The following MVK variants were observed in gnomAD, a reference collection of about 807,000 sequenced individuals.
The protein encoded by MVK is mevalonate kinase, also known as LH receptor mRNA-binding protein.
Under a neutral mutation model 43.2 loss-of-function variants are expected in MVK, and 34 were observed. That is an observed-to-expected ratio of 0.79 (90% confidence interval 0.60 to 1.05). The LOEUF (loss-of-function observed/expected upper bound fraction) is 1.05. MVK is among the 50% of genes least tolerant of loss of function. The pLI, the probability that MVK is intolerant of heterozygous loss-of-function variation, is 0.00. For synonymous variants in MVK, 190 were observed against 219.8 expected, an observed-to-expected ratio of 0.86 and a Z score of 1.20; for missense variants, 395 against 504.0, an observed-to-expected ratio of 0.78 and a Z score of 2.07.
intron 1 of MVK, among the ~76,000 whole-genome samples, chr12:109,574,459 C>T (rs1254054449): frequency 6.6e-6 from 1 of 152,188 alleles, no homozygotes; most frequent in Non-Finnish European, 1.5e-5. Context: ...TTAGTAGGTG[C>T]CAGACACCGC....
chr12:109,592,532 G>A (rs895094286), intron 9 of MVK, among the ~76,000 whole-genome samples: 6 of 152,216 alleles, frequency 3.9e-5, no homozygotes, highest in Admixed American at 2.0e-4. Context: ...GTGGGCATTC[G>A]AGTCTGTAGC....
At chr12:109,592,297 G>C (rs1885721710) in intron 9 of MVK, among the ~76,000 whole-genome samples, 1 of 152,218 alleles carries the variant, frequency 6.6e-6, no homozygotes, top group African/African-American at 2.4e-5. Flanking sequence ...GGGAACCAAA[G>C]AGCCCAGGCT....
At position 109,574,881 on chromosome 12, in the gene MVK, A is replaced by C. The variant is rs104895295; in HGVS notation, c.59A>C (p.His20Pro). The stretch of plus-strand genomic sequence containing the variant: ...GGGAAAGTCATCCTTCATGGAGAAC[A>C]TGCCGTGGTACATGGCAAGGTACAA... ...APGKVILHGE[H>P]AVVHGKVALA... Residue 20 changes from histidine (H) to proline (P), a missense_variant, in exon 2 of 11, where the codon CAT becomes CCT. Physicochemically the swap from His to Pro is moderately conservative, Grantham distance 77. Coordinates refer to ENST00000228510, the MANE Select transcript of MVK (RefSeq NM_000431.4). 16 of 1,609,898 alleles carry C rather than the reference A, an allele frequency of 9.9e-6. No homozygotes were observed. Among genetic ancestry groups the C allele is most frequent in the Non-Finnish European group, 1.4e-5 (16 of 1,178,214 alleles).
At chr12:109,587,603 C>T (rs533671516) in intron 7 of MVK, among the ~76,000 whole-genome samples, 240 of 152,268 alleles carry the variant, frequency 1.6e-3, no homozygotes, top group African/African-American at 5.5e-3. Flanking sequence ...GGCCTTTTCG[C>T]ATCAGTAAGG....
intron 4 of MVK, among the ~76,000 whole-genome samples, 199 bp downstream of exon 4, chr12:109,580,145 CA>C (rs1885154783): frequency 1.3e-5 from 2 of 152,186 alleles, no homozygotes; most frequent in Admixed American, 1.3e-4. Context: ...CTCTGTTGCT[CA>C]GGCTGGAACG....
intron 5 of MVK, among the ~76,000 whole-genome samples, chr12:109,585,308 G>A (rs1241108978): frequency 6.6e-6 from 1 of 152,204 alleles, no homozygotes; most frequent in Non-Finnish European, 1.5e-5. Context: ...GCTTGGTTCA[G>A]GTGTGGACGC....
chr12:109,589,412 G>A (rs1885578098), intron 7 of MVK: 1 of 152,180 alleles, frequency 6.6e-6, no homozygotes, highest in African/African-American at 2.4e-5. Context: ...TAATCCCATG[G>A]ATGGCTTAAG....
At chr12:109,596,402 G>T in intron 10 of MVK, 24 bp from the exon 11 acceptor site, 1 of 1,610,746 alleles carries the variant, frequency 6.2e-7, no homozygotes. Context: ...GTTGTCAAGG[G>T]TGACCTGCCT....
At chr12:109,586,997 T>G in intron 7 of MVK, 198 bp downstream of exon 7, 1 of 619,946 alleles carries the variant, frequency 1.6e-6, no homozygotes. Flanking sequence ...CCCCTTCAGC[T>G]CTTAAATTGC....
chr12:109,579,111 CTG>C, intron 3 of MVK: 3 of 375,638 alleles, frequency 8.0e-6, no homozygotes, highest in South Asian at 4.1e-5. Flanking sequence ...GTCTGTGTGT[CTG>C]TGTGTGTTTG....
At position 109,591,336 on chromosome 12, in the gene MVK, G is replaced by A. The variant is rs149708247; in HGVS notation, c.864G>A (p.Pro288=). Residue 288 remains proline (P), a synonymous_variant, in exon 9 of 11, where the codon CCG becomes CCA. Transcript: ENST00000228510. ...VLGEMGEAPA[P]EQYLVLEELI... ...GAGAGATGGGGGAAGCCCCAGCCCC[G>A]GAGCAGTACCTCGTGCTGGAAGTAA... is the stretch of plus-strand genomic sequence containing the variant. 131 of 1,614,172 alleles carry A rather than the reference G, an allele frequency of 8.1e-5. 1 individual carries two copies. Among genetic ancestry groups the A allele is most frequent in the South Asian group, 3.7e-4 (34 of 91,088 alleles).
rs1885016459 is a variant in MVK at position 109,577,645 on chromosome 12, T to C, written c.226+1500T>C. Among the ~76,000 whole-genome samples, 2 of 151,860 alleles carry C rather than the reference T, an allele frequency of 1.3e-5. 1 individual carries two copies. Among genetic ancestry groups the C allele is most frequent in the South Asian group, 4.1e-4 (2 of 4,824 alleles). On this transcript the variant is annotated intron_variant, in intron 3 of 10. Transcript: ENST00000228510. ...ATCCTCATTTTAGAGCAGCCCTTTT[T>C]AACTTCATCATATCTTGGAATCACC...
chr12:109,593,802 C>T (rs139455537), intron 9 of MVK, among the ~76,000 whole-genome samples: 37 of 141,070 alleles, frequency 2.6e-4, no homozygotes, highest in African/African-American at 9.5e-4. Flanking sequence ...TGGCTCATTG[C>T]ATCCTCCCAG....
Position 109,576,084 on chromosome 12 carries a change from C to T in MVK, c.165C>T (p.Asn55=). 1 of 1,614,182 alleles carries T rather than the reference C, an allele frequency of 6.2e-7. No individual in the cohort carries two copies. Among genetic ancestry groups the T allele is most frequent in the African/African-American group, 1.3e-5 (1 of 75,054 alleles). The change falls in exon 3 of 11, where the codon AAC becomes AAT. Residue 55 remains asparagine (N), a synonymous_variant. Transcript: ENST00000228510. ...GGAAAGTGGACCTCAGCTTACCCAA[C>T]ATTGGTATCAAGCGGGCCTGGGATG... ...SNGKVDLSLP[N]IGIKRAWDVA...
At chr12:109,575,848 G>A in intron 2 of MVK, 150 bp from the exon 3 acceptor site, 2 of 939,598 alleles carry the variant, frequency 2.1e-6, no homozygotes, top group East Asian at 2.5e-5. Flanking sequence ...AGGCTTAGTG[G>A]GAGAGCATGC....
intron 9 of MVK, among the ~76,000 whole-genome samples, chr12:109,593,998 G>T (rs947952079): frequency 6.6e-6 from 1 of 151,820 alleles, no homozygotes; most frequent in South Asian, 2.1e-4. Context: ...GATTAAAGAC[G>T]TGAGCCACCA....
At chr12:109,590,742 T>G (rs1885630714) in intron 7 of MVK, 29 bp from the exon 8 acceptor site, 2 of 1,606,168 alleles carry the variant, frequency 1.2e-6, no homozygotes, top group Non-Finnish European at 8.5e-7. Flanking sequence ...TTGAGTTCAG[T>G]GTGGACCTGC....
chr12:109,578,724 A>T (rs1885071238), intron 3 of MVK, among the ~76,000 whole-genome samples: 1 of 152,192 alleles, frequency 6.6e-6, no homozygotes, highest in Non-Finnish European at 1.5e-5. Flanking sequence ...TCCATTCAAC[A>T]CACATTTACC....
rs200727903 is a variant in MVK, at chr12:109,586,015, T to C, written c.528-7T>C. ...GCCACAGTAAAGATGAACATCTGTG[T>C]CTTCAGGTGGACCAAGGAGGATTTG... On this transcript the variant is annotated splice_region_variant and splice_polypyrimidine_tract_variant and intron_variant, in intron 5 of 10. Transcript: ENST00000228510. 2.5e-6 allele frequency: 4 copies of C among 1,611,088 alleles called. No homozygotes were observed. The highest frequency in any genetic ancestry group is 3.4e-6 in the Non-Finnish European group (4 of 1,177,230).
Sources: gnomAD v4.1 joint callset for allele counts (sites outside exome capture counted in the v4.1 genomes callset) on GRCh38, gnomAD v4.1.1 for gene constraint, MANE v1.5 for transcripts, NCBI Gene and HGNC (gene_info 2026-07-23, HGNC 2026-07-21) for gene names.